TNNI3K: variants seen among roughly 807,000 people sequenced by gnomAD.
TNNI3K encodes the protein TNNI3 interacting kinase, also known as serine/threonine-protein kinase TNNI3K.
A neutral mutation model predicts 114.5 loss-of-function variants in TNNI3K; 140 were observed. The observed-to-expected ratio is 1.22, with a 90% CI of 1.07 to 1.41. TNNI3K has a LOEUF of 1.41. Ranked by LOEUF, TNNI3K falls within the 40% of genes most tolerant of loss-of-function variation. The probability of loss-of-function intolerance (pLI) is 0.00; values close to 1 mark genes in which losing one functional copy is unlikely to be tolerated. For synonymous variants in TNNI3K, 347 were observed against 347.5 expected (o/e 1.00, Z 0.02); for missense variants, 1,125 against 1,007.6 (o/e 1.12, Z -1.58).
intron 5 of TNNI3K, among the ~76,000 whole-genome samples, chr1:74,313,311 C>T (rs548650587): frequency 7.4e-4 from 112 of 152,280 alleles, no homozygotes; most frequent in African/African-American, 2.6e-3. Context: ...CCACTCTATA[C>T]AGTAAACCTA....
At chr1:74,257,371 T>G (rs1056182789) in intron 4 of TNNI3K, among the ~76,000 whole-genome samples, 1 of 152,224 alleles carries the variant, frequency 6.6e-6, no homozygotes, top group African/African-American at 2.4e-5. Flanking sequence ...AACATCTAGA[T>G]TAGCTCAGTA....
At chr1:74,360,633 G>A (rs1040134995) in intron 11 of TNNI3K, among the ~76,000 whole-genome samples, 5 of 151,942 alleles carry the variant, frequency 3.3e-5, no homozygotes, top group African/African-American at 1.2e-4. Flanking sequence ...AGTCCAATCT[G>A]CCTTTATGTC....
chr1:74,349,579 C>T (rs367744889), intron 9 of TNNI3K, among the ~76,000 whole-genome samples: 12 of 151,916 alleles, frequency 7.9e-5, no homozygotes, highest in East Asian at 1.9e-4. Flanking sequence ...TGGTAGAATT[C>T]GGCTGTGAAT....
intron 4 of TNNI3K, among the ~76,000 whole-genome samples, chr1:74,268,870 A>T (rs1272303389): frequency 6.6e-6 from 1 of 151,784 alleles, no homozygotes; most frequent in Non-Finnish European, 1.5e-5. Context: ...TCTATCATTA[A>T]TTTCCCTACT....
intron 21 of TNNI3K, chr1:74,470,943 G>A (rs1667897162): frequency 5.0e-6 from 2 of 400,648 alleles, no homozygotes; most frequent in East Asian, 3.6e-5. Flanking sequence ...TAGCCCTCCT[G>A]GAATGTTGGA....
intron 20 of TNNI3K, among the ~76,000 whole-genome samples, chr1:74,459,803 C>T (rs911689398): frequency 2.6e-5 from 4 of 152,016 alleles, no homozygotes; most frequent in African/African-American, 9.7e-5. Context: ...GATAAAGTAT[C>T]GACAAACAAG....
intron 2 of TNNI3K, among the ~76,000 whole-genome samples, chr1:74,241,598 A>T (rs1468076407): frequency 2.0e-5 from 3 of 152,122 alleles, no homozygotes; most frequent in Admixed American, 1.3e-4. Flanking sequence ...GTATCTGTTC[A>T]TATCCTTTGC....
intron 5 of TNNI3K, among the ~76,000 whole-genome samples, chr1:74,287,145 G>A (rs1232861369): frequency 1.3e-5 from 2 of 151,812 alleles, no homozygotes; most frequent in Non-Finnish European, 2.9e-5. Flanking sequence ...GAAAAAAACA[G>A]GTCATTTGAA....
chr1:74,275,284 T>C (rs552971212), intron 5 of TNNI3K, among the ~76,000 whole-genome samples: 50 of 152,070 alleles, frequency 3.3e-4, no homozygotes, highest in Middle Eastern at 3.4e-3. Flanking sequence ...ACGTCTTACA[T>C]GGATGGCAGC....
intron 17 of TNNI3K, among the ~76,000 whole-genome samples, chr1:74,392,581 A>G (rs548137269): frequency 6.6e-6 from 1 of 152,244 alleles, no homozygotes; most frequent in South Asian, 2.1e-4. Context: ...CCCTGATTCA[A>G]TTTCTTGCTG....
intron 2 of TNNI3K, among the ~76,000 whole-genome samples, chr1:74,248,793 A>G (rs1447311099): frequency 6.6e-6 from 1 of 152,150 alleles, no homozygotes; most frequent in Non-Finnish European, 1.5e-5. Context: ...CAGGTCATAG[A>G]AACTAGAACT....
At chr1:74,474,727 A>G (rs1189379220) in intron 21 of TNNI3K, among the ~76,000 whole-genome samples, 1 of 152,154 alleles carries the variant, frequency 6.6e-6, no homozygotes, top group African/African-American at 2.4e-5. Context: ...TGTCACGGCC[A>G]GATTCACTTG....
At chr1:74,259,220 C>T (rs1254237988) in intron 4 of TNNI3K, among the ~76,000 whole-genome samples, 1 of 152,168 alleles carries the variant, frequency 6.6e-6, no homozygotes, top group African/African-American at 2.4e-5. Context: ...GATCTTCCGT[C>T]TATAAGCTGG....
At chr1:74,262,957 G>C (rs1351318998) in intron 4 of TNNI3K, among the ~76,000 whole-genome samples, 1 of 151,990 alleles carries the variant, frequency 6.6e-6, no homozygotes, top group Non-Finnish European at 1.5e-5. Flanking sequence ...TTATTACTTA[G>C]TTAAATCTTT....
intron 20 of TNNI3K, among the ~76,000 whole-genome samples, chr1:74,445,604 T>C (rs1034314379): frequency 7.7e-6 from 1 of 129,580 alleles, no homozygotes; most frequent in South Asian, 2.5e-4. Flanking sequence ...CCACATTTTC[T>C]TTTTTTTCTT....
At chr1:74,309,562 A>C (rs1033082804) in intron 5 of TNNI3K, among the ~76,000 whole-genome samples, 1 of 152,014 alleles carries the variant, frequency 6.6e-6, no homozygotes, top group Non-Finnish European at 1.5e-5. Flanking sequence ...GTCTTCAACA[A>C]TATACTAGAA....
intron 23 of TNNI3K, among the ~76,000 whole-genome samples, chr1:74,518,594 C>A (rs777244578): frequency 6.6e-6 from 1 of 152,090 alleles, no homozygotes; most frequent in Non-Finnish European, 1.5e-5. Flanking sequence ...TTATGGTTCC[C>A]GTGTTTCACC....
At chr1:74,533,607 G>C (rs1019615527) in intron 23 of TNNI3K, among the ~76,000 whole-genome samples, 49 of 152,078 alleles carry the variant, frequency 3.2e-4, no homozygotes, top group Non-Finnish European at 8.8e-5. Flanking sequence ...AAAGACACAT[G>C]CACACATATG....
chr1:74,353,877 C>A, intron 10 of TNNI3K, 103 bp from the exon 11 acceptor site: 1 of 1,425,900 alleles, frequency 7.0e-7, no homozygotes, highest in Non-Finnish European at 9.3e-7. Flanking sequence ...TTACTTCATA[C>A]CTTTGGAAAT....
Sources: allele counts gnomAD v4.1 joint callset (sites outside exome capture counted in the v4.1 genomes callset), GRCh38; gene constraint gnomAD v4.1.1; transcripts MANE v1.5; gene names NCBI Gene and HGNC (gene_info 2026-07-23, HGNC 2026-07-21).